Variants in FGF10 observed in about 807,000 individuals in gnomAD.
The protein encoded by FGF10 is FGF-10.
Under a neutral mutation model 19.8 loss-of-function variants are expected in FGF10, and 2 were observed. The ratio of observed to expected loss-of-function variants is 0.10; its 90% CI spans 0.04 to 0.32. FGF10 has a LOEUF of 0.32. FGF10 is among the 10% of genes least tolerant of loss of function. FGF10 has a pLI of 1.00. For missense variants in FGF10, 191 were observed against 246.3 expected (o/e 0.78, Z 1.50); for synonymous variants, 112 against 94.0 (o/e 1.19, Z -1.10).
chr5:44,325,646 A>C (rs1038653374), intron 1 of FGF10, among the ~76,000 whole-genome samples: 1 of 151,602 alleles, frequency 6.6e-6, no homozygotes, highest in African/African-American at 2.4e-5. Flanking sequence ...CAAAAAACCA[A>C]ACACTGCATG....
At chr5:44,381,164 G>A (rs1741974629) in intron 1 of FGF10, among the ~76,000 whole-genome samples, 1 of 152,150 alleles carries the variant, frequency 6.6e-6, no homozygotes, top group African/African-American at 2.4e-5. Flanking sequence ...TCTGAAGGGG[G>A]CTTATCAGTG....
chr5:44,385,085 A>T (rs1742068390), intron 1 of FGF10, among the ~76,000 whole-genome samples: 1 of 152,148 alleles, frequency 6.6e-6, no homozygotes, highest in Admixed American at 6.5e-5. Flanking sequence ...CTCTAGATGT[A>T]AAGAATGATA....
chr5:44,370,636 TC>T (rs1026197509), intron 1 of FGF10, among the ~76,000 whole-genome samples: 4 of 152,232 alleles, frequency 2.6e-5, no homozygotes, highest in Admixed American at 1.3e-4. Context: ...GCTGTTTCAG[TC>T]AGCCTCAGCT....
chr5:44,349,053 A>G (rs1267655053), intron 1 of FGF10, among the ~76,000 whole-genome samples: 2 of 151,436 alleles, frequency 1.3e-5, no homozygotes, highest in Non-Finnish European at 3.0e-5. Flanking sequence ...TTTGCTTAAC[A>G]TTTGCAGCTA....
At chr5:44,374,592 C>T (rs1741813859) in intron 1 of FGF10, among the ~76,000 whole-genome samples, 1 of 152,102 alleles carries the variant, frequency 6.6e-6, no homozygotes, top group Non-Finnish European at 1.5e-5. Flanking sequence ...AAATGACCTG[C>T]TTAAGATCCA....
chr5:44,311,990 G>A (rs1206042371), intron 1 of FGF10, among the ~76,000 whole-genome samples: 1 of 151,952 alleles, frequency 6.6e-6, no homozygotes, highest in Non-Finnish European at 1.5e-5. Flanking sequence ...CATAACCAGA[G>A]ACTTTGCCAA....
intron 1 of FGF10, among the ~76,000 whole-genome samples, chr5:44,317,723 C>CT (rs959104569): frequency 5.9e-5 from 9 of 151,402 alleles, no homozygotes; most frequent in East Asian, 1.9e-4. Flanking sequence ...GTAAACTTGA[C>CT]TTTTTTTTTC....
Position 44,388,518 on chromosome 5 carries a change from G to T in FGF10, c.165C>A (p.Ser55=). Residue 55 remains serine, a synonymous_variant, in exon 1 of 3, where the codon TCC becomes TCA. Coordinates refer to ENST00000264664, the MANE Select transcript of FGF10 (RefSeq NM_004465.2). The stretch of plus-strand genomic sequence containing the variant: ...CCGCGCTGGAAGGAGAGGAGAAGGA[G>T]GAGGAAGAAGAGTTGGTGGCCTCTG... ...VSPEATNSSS[S]SFSSPSSAGR... The T allele has an allele frequency of 6.2e-7, 1 of 1,614,158 alleles. No individual in the cohort carries two copies. The highest frequency in any genetic ancestry group is 8.5e-7 in the Non-Finnish European group (1 of 1,180,040).
At chr5:44,341,070 G>A (rs1210125181) in intron 1 of FGF10, among the ~76,000 whole-genome samples, 6 of 151,784 alleles carry the variant, frequency 4.0e-5, no homozygotes, top group Non-Finnish European at 8.8e-5. Flanking sequence ...TTATTTTTTA[G>A]CATTTCTAGA....
chr5:44,384,226 T>G (rs1434246489), intron 1 of FGF10, among the ~76,000 whole-genome samples: 1 of 152,070 alleles, frequency 6.6e-6, no homozygotes, highest in East Asian at 1.9e-4. Context: ...AAAATGACAT[T>G]CATGGATTTT....
chr5:44,354,090 C>T (rs886128128), intron 1 of FGF10, among the ~76,000 whole-genome samples: 1 of 151,052 alleles, frequency 6.6e-6, no homozygotes, highest in Non-Finnish European at 1.5e-5. Context: ...ATGGATCTAC[C>T]TTGCCTTTGA....
intron 1 of FGF10, among the ~76,000 whole-genome samples, chr5:44,332,108 G>A (rs1236647330): frequency 6.6e-6 from 1 of 152,182 alleles, no homozygotes; most frequent in South Asian, 2.1e-4. Context: ...AATACAAAGA[G>A]GTGTTTAGCA....
chr5:44,345,223 T>C (rs1419953192), intron 1 of FGF10, among the ~76,000 whole-genome samples: 1 of 151,740 alleles, frequency 6.6e-6, no homozygotes, highest in Non-Finnish European at 1.5e-5. Flanking sequence ...ACAAACAATA[T>C]ACTGCTGGAA....
At chr5:44,362,757 A>G (rs17234058) in intron 1 of FGF10, among the ~76,000 whole-genome samples, 56 of 151,582 alleles carry the variant, frequency 3.7e-4, no homozygotes, top group Middle Eastern at 6.8e-3. Flanking sequence ...ACCCTCTGCT[A>G]AAGAAATTTC....
At chr5:44,315,635 T>C (rs573222055) in intron 1 of FGF10, among the ~76,000 whole-genome samples, 2 of 152,306 alleles carry the variant, frequency 1.3e-5, no homozygotes, top group East Asian at 1.9e-4. Flanking sequence ...TAATGCTATA[T>C]AGTTTTATAG....
chr5:44,317,799 T>C (rs1010450563), intron 1 of FGF10, among the ~76,000 whole-genome samples: 2 of 152,114 alleles, frequency 1.3e-5, no homozygotes, highest in Non-Finnish European at 2.9e-5. Context: ...TTTCAGGAAA[T>C]AATTACTTAT....
chr5:44,374,288 G>A (rs1741807090), intron 1 of FGF10, among the ~76,000 whole-genome samples: 1 of 151,994 alleles, frequency 6.6e-6, no homozygotes, highest in South Asian at 2.1e-4. Flanking sequence ...ACTTGTGATG[G>A]CATTAAGGGC....
intron 2 of FGF10, 141 bp downstream of exon 2, chr5:44,310,286 A>G: frequency 1.5e-6 from 1 of 667,782 alleles, no homozygotes; most frequent in East Asian, 2.9e-5. Flanking sequence ...CCAGCCCTTG[A>G]AACAGTGGTG....
At chr5:44,350,619 A>G (rs1301725424) in intron 1 of FGF10, among the ~76,000 whole-genome samples, 3 of 151,104 alleles carry the variant, frequency 2.0e-5, no homozygotes, top group East Asian at 3.9e-4. Flanking sequence ...TAATATACAT[A>G]TATGTCCTTA....
Sources: gnomAD v4.1 joint callset for allele counts (sites outside exome capture counted in the v4.1 genomes callset) on GRCh38, gnomAD v4.1.1 for gene constraint, MANE v1.5 for transcripts, NCBI Gene and HGNC (gene_info 2026-07-23, HGNC 2026-07-21) for gene names.